The following RPS24 variants were observed in gnomAD, a reference collection of about 807,000 sequenced individuals.
RPS24 encodes small ribosomal subunit protein eS24.
For synonymous variants in RPS24, 72 were observed against 55.6 expected, an observed-to-expected ratio of 1.30 and a Z score of -1.31; for missense variants, 100 against 162.5, an observed-to-expected ratio of 0.62 and a Z score of 2.09.
At chr10:78,037,082 G>T in intron 3 of RPS24, 112 bp from the exon 4 acceptor site, 2 of 1,306,090 alleles carry the variant, frequency 1.5e-6, no homozygotes, top group South Asian at 1.3e-5. Flanking sequence ...GAAAAGTTTT[G>T]GTTTAGAAAG....
rs765319634 is a variant in RPS24, at chr10:78,040,223, C to T, written c.*17C>T. 2.5e-6 allele frequency: 4 copies of T among 1,613,214 alleles called. No homozygotes were observed. The Admixed American group carries it at 5.0e-5, about 20-fold the overall frequency. On this transcript the variant is annotated splice_region_variant and 3_prime_UTR_variant, in exon 5 of 6. Transcript: ENST00000372360. ...ATTCAGTGAGCTGGAGATTGGATCACAGGTATAATTCAAGCTTTTCATGTA... is the reference window on the plus strand; with the variant it reads ...ATTCAGTGAGCTGGAGATTGGATCATAGGTATAATTCAAGCTTTTCATGTA...
chr10:78,037,492 A>G (rs1482104661), intron 4 of RPS24, 188 bp downstream of exon 4: 8 of 957,852 alleles, frequency 8.4e-6, no homozygotes, highest in Non-Finnish European at 1.2e-5. Context: ...ACCTCAGTAA[A>G]GTAGCTTGGC....
intron 4 of RPS24, among the ~76,000 whole-genome samples, chr10:78,051,536 A>C (rs1848098762): frequency 6.6e-6 from 1 of 152,238 alleles, no homozygotes; most frequent in Non-Finnish European, 1.5e-5. Context: ...ATAATTTTGC[A>C]GCTATGAAAA....
chr10:78,037,925 T>TG (rs1847909571), intron 4 of RPS24: 3 of 845,512 alleles, frequency 3.5e-6, no homozygotes, highest in Non-Finnish European at 4.7e-6. Context: ...TTTTTTTTTT[T>TG]GCTTTTCCTC....
intron 4 of RPS24, chr10:78,038,119 A>G: frequency 2.4e-6 from 1 of 408,382 alleles, no homozygotes; most frequent in South Asian, 2.3e-5. Flanking sequence ...AGGCTGGTGC[A>G]AAAGTAATTG....
At chr10:78,042,569 C>T (rs1847997784), downstream of RPS24, among the ~76,000 whole-genome samples, 1 of 152,344 alleles carries the variant, frequency 6.6e-6, no homozygotes, top group East Asian at 1.9e-4. Flanking sequence ...CCAGGCTACC[C>T]TGTGCTGTCA....
downstream of RPS24, among the ~76,000 whole-genome samples, chr10:78,041,337 G>A (rs1847983418): frequency 1.3e-5 from 2 of 152,200 alleles, no homozygotes; most frequent in East Asian, 1.9e-4. Flanking sequence ...CAGACAGGAG[G>A]GCAGGGCTGA....
downstream of RPS24, among the ~76,000 whole-genome samples, chr10:78,042,736 A>T (rs1216742606): frequency 4.6e-5 from 7 of 152,144 alleles, no homozygotes; most frequent in Admixed American, 2.0e-4. Context: ...ACTCAGCTAG[A>T]GGTGGTTCTG....
chr10:78,054,296 C>T (rs751785576), intron 4 of RPS24, among the ~76,000 whole-genome samples: 14 of 152,114 alleles, frequency 9.2e-5, no homozygotes, highest in Non-Finnish European at 1.9e-4. Context: ...CTTGTCTACT[C>T]CAGACTATGC....
downstream of RPS24, among the ~76,000 whole-genome samples, chr10:78,042,261 C>G (rs1847994078): frequency 6.6e-6 from 1 of 152,210 alleles, no homozygotes; most frequent in African/African-American, 2.4e-5. Context: ...AGCTAACACC[C>G]TCCTCTACCT....
intron 4 of RPS24, chr10:78,038,906 A>C (rs531938273): frequency 6.6e-6 from 1 of 152,380 alleles, no homozygotes; most frequent in South Asian, 2.1e-4. Flanking sequence ...TGCTGGGATT[A>C]CAGGTGTGAG....
chr10:78,037,825 A>T (rs894136177), intron 4 of RPS24: 4 of 531,576 alleles, frequency 7.5e-6, no homozygotes, highest in Non-Finnish European at 1.2e-5. Context: ...AGCTGTAAAT[A>T]GTTGGACATT....
At chr10:78,034,477 T>G (rs1361784617) in intron 1 of RPS24, 2 of 155,782 alleles carry the variant, frequency 1.3e-5, no homozygotes, top group Admixed American at 6.2e-5. Context: ...TTTTTAACTT[T>G]ACCAGCAATC....
At chr10:78,055,445 G>A (rs552483529) in exon 5 of RPS24, 33 of 157,518 alleles carry the variant, frequency 2.1e-4, no homozygotes, top group African/African-American at 6.7e-4. Context: ...GACACAGTAC[G>A]CAGTAGACTA....
intron 3 of RPS24, chr10:78,035,983 A>T (rs1847857888): frequency 5.4e-5 from 25 of 466,792 alleles, no homozygotes; most frequent in South Asian, 5.2e-4. Context: ...TCCAGAGGAG[A>T]AGTAAGGGGA....
intron 1 of RPS24, among the ~76,000 whole-genome samples, chr10:78,035,143 T>A (rs905187499): frequency 6.6e-6 from 1 of 152,230 alleles, no homozygotes; most frequent in Non-Finnish European, 1.5e-5. Context: ...TACAGATTCA[T>A]GTGTAAAACC....
chr10:78,042,761 G>T (rs1203874554), downstream of RPS24, among the ~76,000 whole-genome samples: 1 of 152,092 alleles, frequency 6.6e-6, no homozygotes, highest in East Asian at 1.9e-4. Context: ...GGTACCTGCA[G>T]TGAATATTTG....
At chr10:78,040,062 T>C (rs541307398) in intron 4 of RPS24, 142 bp from the exon 5 acceptor site, 2 of 773,424 alleles carry the variant, frequency 2.6e-6, no homozygotes, top group East Asian at 2.6e-5. Context: ...CTGTATACAA[T>C]TGCAAAGAAC....
intron 4 of RPS24, among the ~76,000 whole-genome samples, chr10:78,049,570 C>T (rs1168438389): frequency 2.0e-5 from 3 of 152,210 alleles, no homozygotes; most frequent in Non-Finnish European, 4.4e-5. Flanking sequence ...TTTCTCTCTC[C>T]ACTTTGCTGC....
Sources: allele counts gnomAD v4.1 joint callset (sites outside exome capture counted in the v4.1 genomes callset), GRCh38; gene constraint gnomAD v4.1.1; transcripts MANE v1.5; gene names NCBI Gene and HGNC (gene_info 2026-07-23, HGNC 2026-07-21).